Variants in CLVS1 observed in about 807,000 individuals in gnomAD.
The protein encoded by CLVS1 is clavesin-1.
CLVS1 carries 10 observed loss-of-function variants against 33.1 expected under a neutral mutation model. That is an observed-to-expected ratio of 0.30 (90% CI 0.19 to 0.51). The LOEUF is 0.51. Among genes scored for constraint, CLVS1 ranks in the 20% least tolerant of loss-of-function variants. The pLI is 0.97. For synonymous variants in CLVS1, 163 were observed against 166.1 expected (o/e 0.98, Z 0.14); for missense variants, 343 against 433.4 (o/e 0.79, Z 1.85).
intron 1 of CLVS1, among the ~76,000 whole-genome samples, chr8:61,077,328 C>T (rs535219768): frequency 3.3e-5 from 5 of 152,110 alleles, no homozygotes; most frequent in African/African-American, 1.2e-4. Context: ...GCCTCGGCCT[C>T]CCAAAGTGCT....
intron 3 of CLVS1, among the ~76,000 whole-genome samples, chr8:61,446,387 A>T (rs1387859508): frequency 6.6e-6 from 1 of 152,216 alleles, no homozygotes; most frequent in African/African-American, 2.4e-5. Context: ...TTATAACAAT[A>T]TGCCTGAAAC....
chr8:61,471,725 A>G lies in CLVS1; in HGVS notation c.977+13183A>G, dbSNP rs146674882. Among the ~76,000 whole-genome samples the G allele has an allele frequency of 1.6e-4, 24 of 152,156 alleles. No homozygotes were observed. The East Asian group carries it at 4.3e-3, about 27-fold the overall frequency. On this transcript the variant is annotated intron_variant, in intron 5 of 5. Coordinates refer to ENST00000325897, the MANE Select transcript of CLVS1 (RefSeq NM_173519.3). ...GTGGTTACAGGAGCCCTCATTCCCC[A>G]CTTGCCAGTCCCCTCCCAGTCTGAG...
intron 2 of CLVS1, among the ~76,000 whole-genome samples, chr8:61,311,185 G>C (rs989113121): frequency 6.6e-6 from 1 of 152,200 alleles, no homozygotes; most frequent in African/African-American, 2.4e-5. Flanking sequence ...CTGAAAAGCT[G>C]TTGATTGATG....
In CLVS1 at chr8:61,248,057, C is replaced by G. The variant is rs528570877; in HGVS notation, c.-151-51620C>G. On this transcript the variant is annotated intron_variant, in intron 2 of 2. Coordinates refer to the CLVS1 transcript ENST00000522621. ...TTAATAGGTAGTCATTTCTTCATTG[C>G]TTGTTTTTGTCAGCTTTGTCAAAGA... Among the ~76,000 whole-genome samples, 13 of 152,224 alleles carry G rather than the reference C, an allele frequency of 8.5e-5. No homozygotes were observed. The East Asian group carries it at 2.5e-3, about 29-fold the overall frequency.
chr8:61,112,179 TACACACACAC>T (rs749547863), intron 1 of CLVS1, among the ~76,000 whole-genome samples: 9 of 89,160 alleles, frequency 1.0e-4, no homozygotes, highest in African/African-American at 4.8e-4. Context: ...TTCTCCGTGC[TACACACACAC>T]ACACACACAC....
chr8:61,394,071 G>A (rs752811501), intron 3 of CLVS1, among the ~76,000 whole-genome samples: 133 of 152,150 alleles, frequency 8.7e-4, no homozygotes, highest in Non-Finnish European at 1.5e-3. Context: ...TGATAGCCTG[G>A]CACGGTGGCT....
chr8:61,267,691 T>A (rs1809339633), intron 2 of CLVS1, among the ~76,000 whole-genome samples: 1 of 152,230 alleles, frequency 6.6e-6, no homozygotes, highest in Non-Finnish European at 1.5e-5. Flanking sequence ...CCTTCTCAAC[T>A]GCAAATATAT....
chr8:61,206,224 T>C (rs777503853), intron 2 of CLVS1, among the ~76,000 whole-genome samples: 2 of 152,220 alleles, frequency 1.3e-5, no homozygotes, highest in Non-Finnish European at 2.9e-5. Flanking sequence ...CTGGTTATCT[T>C]TGTTAAAACC....
chr8:61,487,429 AAAATATT>A (rs1463943655), intron 5 of CLVS1, among the ~76,000 whole-genome samples: 1 of 152,258 alleles, frequency 6.6e-6, no homozygotes, highest in Non-Finnish European at 1.5e-5. Flanking sequence ...AGTAGGTGGC[AAAATATT>A]TTAAATTCAG....
chr8:61,492,338 AT>A (rs1804120377), intron 5 of CLVS1, among the ~76,000 whole-genome samples: 1 of 152,144 alleles, frequency 6.6e-6, no homozygotes, highest in African/African-American at 2.4e-5. Context: ...GATAGTTTAC[AT>A]TTTTTTGGTA....
the CLVS1 span, among the ~76,000 whole-genome samples, chr8:61,004,823 T>G: frequency 6.6e-6 from 1 of 152,180 alleles, no homozygotes; most frequent in Non-Finnish European, 1.5e-5. Flanking sequence ...CAAATAAAGC[T>G]TCCCCTTTCA....
At chr8:61,408,010 A>G (rs1815057833) in intron 3 of CLVS1, among the ~76,000 whole-genome samples, 1 of 152,216 alleles carries the variant, frequency 6.6e-6, no homozygotes, top group African/African-American at 2.4e-5. Context: ...CCACTTCTTT[A>G]TATTAGTATT....
chr8:61,021,586 T>C, the CLVS1 span, among the ~76,000 whole-genome samples: 1 of 151,870 alleles, frequency 6.6e-6, no homozygotes, highest in Non-Finnish European at 1.5e-5. Flanking sequence ...GGTCTCGAAC[T>C]CTTGACCTCA....
intron 2 of CLVS1, among the ~76,000 whole-genome samples, chr8:61,332,579 TAA>T (rs147545689): frequency 0.014 from 2,058 of 152,310 alleles, 39 homozygotes; most frequent in African/African-American, 0.047. Context: ...GTTTATGCAT[TAA>T]AAGATTCCTT....
intron 1 of CLVS1, among the ~76,000 whole-genome samples, chr8:61,299,401 T>C (rs1810346574): frequency 6.6e-6 from 1 of 152,204 alleles, no homozygotes; most frequent in Non-Finnish European, 1.5e-5. Context: ...ATGCTATTGC[T>C]AATCTGATCA....
intron 1 of CLVS1, among the ~76,000 whole-genome samples, chr8:61,107,848 A>G (rs573156086): frequency 2.8e-4 from 42 of 152,348 alleles, no homozygotes; most frequent in African/African-American, 1.0e-3. Context: ...GGATTTGGTG[A>G]AATTGTGAAC....
chr8:61,454,220 A>G lies in CLVS1; in HGVS notation c.710A>G (p.Lys237Arg). 1 of 1,614,024 alleles carries G rather than the reference A, an allele frequency of 6.2e-7. No homozygotes were observed. Among genetic ancestry groups the G allele is most frequent in the Non-Finnish European group, 8.5e-7 (1 of 1,179,872 alleles). The change falls in exon 4 of 6, where the codon AAG (lysine) becomes AGG (arginine). Residue 237 changes from lysine (K) to arginine (R), a missense_variant. Physicochemically the swap from Lys to Arg is conservative, Grantham distance 26. This residue lies in a region of CLVS1 where 166 missense variants were observed against 244.0 expected (regional missense o/e 0.68). Coordinates refer to ENST00000325897, the MANE Select transcript of CLVS1 (RefSeq NM_173519.3). ...WYIHALYTLI[K>R]PFLKDKTRKR... ...ATTCATGCCCTCTACACACTCATCA[A>G]GCCATTTCTTAAAGACAAGACCAGG... is the stretch of plus-strand genomic sequence containing the variant.
At chr8:61,338,918 C>T (rs1294760238) in intron 2 of CLVS1, among the ~76,000 whole-genome samples, 2 of 152,128 alleles carry the variant, frequency 1.3e-5, no homozygotes, top group Non-Finnish European at 2.9e-5. Flanking sequence ...CAGCCCCTCC[C>T]TTCCTGGCTC....
chr8:61,083,943 T>G (rs1259281741), intron 1 of CLVS1, among the ~76,000 whole-genome samples: 2 of 152,134 alleles, frequency 1.3e-5, no homozygotes, highest in African/African-American at 4.8e-5. Context: ...TGACCCCTAA[T>G]GATAAAAATA....
Sources: gnomAD v4.1 joint callset for allele counts (sites outside exome capture counted in the v4.1 genomes callset) on GRCh38, gnomAD v4.1.1 for gene constraint, gnomAD v4.1.1 regional missense constraint, MANE v1.5 for transcripts, NCBI Gene and HGNC (gene_info 2026-07-23, HGNC 2026-07-21) for gene names.